Variants in SHLD1 observed in about 807,000 individuals in gnomAD.
SHLD1 encodes the protein shieldin complex subunit 1.
SHLD1 carries 3 observed loss-of-function variants against 5.5 expected under a neutral mutation model. The observed-to-expected ratio is 0.54, with a 90% CI of 0.25 to 1.40. The LOEUF (loss-of-function observed/expected upper bound fraction) is 1.40. SHLD1 is among the 40% of genes most tolerant of loss of function. The pLI is 0.15. For synonymous variants in SHLD1, 92 were observed against 94.3 expected (o/e 0.98, Z 0.14); for missense variants, 210 against 244.4 (o/e 0.86, Z 0.94).
At chr20:5,849,769 C>A (rs188410613) in intron 2 of SHLD1, among the ~76,000 whole-genome samples, 5,647 of 150,164 alleles carry the variant, frequency 0.038, 149 homozygotes, top group Middle Eastern at 0.067. Context: ...ACCATCCTGG[C>A]TAACAAGGTG....
At chr20:5,758,348 GA>G (rs1370430139) in intron 1 of SHLD1, among the ~76,000 whole-genome samples, 1 of 120,530 alleles carries the variant, frequency 8.3e-6, no homozygotes, top group African/African-American at 3.1e-5. Flanking sequence ...AAGGGAGGGG[GA>G]GGGGAAGGAG....
intron 2 of SHLD1, among the ~76,000 whole-genome samples, chr20:5,850,332 C>G (rs1342583615): frequency 6.6e-6 from 1 of 151,626 alleles, no homozygotes; most frequent in Non-Finnish European, 1.5e-5. Context: ...GAGCCTAACC[C>G]CATTTCTTCC....
rs138806612 is a variant in SHLD1 at position 5,812,682 on chromosome 20, C to T, written c.178+39639C>T. ...AATGCAGAGTTCTTTTCTGTTTCTC[C>T]GTATTATGTTAGATTGTTTACCTGA... On this transcript the variant is annotated intron_variant, in intron 2 of 2. Coordinates refer to ENST00000303142, the MANE Select transcript of SHLD1 (RefSeq NM_152504.4). Among the ~76,000 whole-genome samples, 61 of 152,192 alleles carry T rather than the reference C, an allele frequency of 4.0e-4. No homozygotes were observed. In the East Asian group the frequency reaches 0.01, roughly 26 times the overall value.
At chr20:5,797,899 C>G (rs898653229) in intron 2 of SHLD1, among the ~76,000 whole-genome samples, 1 of 152,214 alleles carries the variant, frequency 6.6e-6, no homozygotes, top group African/African-American at 2.4e-5. Flanking sequence ...ACCCTCTGTT[C>G]TCTGTCATCA....
chr20:5,858,614 A>G (rs1269074064), intron 2 of SHLD1, among the ~76,000 whole-genome samples: 1 of 152,336 alleles, frequency 6.6e-6, no homozygotes, highest in East Asian at 1.9e-4. Flanking sequence ...TGAGCAAATC[A>G]CTTGAGGCCA....
intron 2 of SHLD1, among the ~76,000 whole-genome samples, chr20:5,821,406 A>T (rs1308998673): frequency 6.6e-6 from 1 of 152,164 alleles, no homozygotes; most frequent in Non-Finnish European, 1.5e-5. Flanking sequence ...CCAGCTGCTC[A>T]GGAGGTTGAG....
At chr20:5,762,620 G>T (rs1358423655) in intron 1 of SHLD1, among the ~76,000 whole-genome samples, 5 of 152,094 alleles carry the variant, frequency 3.3e-5, no homozygotes, top group East Asian at 1.9e-4. Context: ...TGGCTATTGT[G>T]GGGGAGGCAC....
intron 2 of SHLD1, among the ~76,000 whole-genome samples, chr20:5,784,576 G>A (rs376055016): frequency 6.6e-6 from 1 of 151,512 alleles, no homozygotes; most frequent in Non-Finnish European, 1.5e-5. Flanking sequence ...TCAGCCTCCC[G>A]AGTAGCTGGG....
At chr20:5,775,195 T>C (rs1396610204) in intron 2 of SHLD1, among the ~76,000 whole-genome samples, 1 of 151,888 alleles carries the variant, frequency 6.6e-6, no homozygotes, top group Non-Finnish European at 1.5e-5. Context: ...CACATCACCA[T>C]ACATGGCTTT....
In SHLD1 at chr20:5,855,497, G is replaced by A. The variant is rs1021236419; in HGVS notation, c.179-7527G>A. Among the ~76,000 whole-genome samples the A allele has an allele frequency of 6.6e-6, 1 of 152,106 alleles. No homozygotes were observed. Among genetic ancestry groups the A allele is most frequent in the East Asian group, 1.9e-4 (1 of 5,168 alleles). On this transcript the variant is annotated intron_variant, in intron 2 of 2. Coordinates refer to ENST00000303142, the MANE Select transcript of SHLD1 (RefSeq NM_152504.4). This position sits in a 1 kb window ranked among gnomAD's most constrained non-coding sequence, Gnocchi z 4.4. ...AGAGATTCTTGTGCCTCAGCCACCC[G>A]AGTAGCTGGGACTACAGGTGCATGT...
chr20:5,837,473 C>T (rs573029568), intron 2 of SHLD1, among the ~76,000 whole-genome samples: 24 of 152,210 alleles, frequency 1.6e-4, no homozygotes, highest in Admixed American at 7.2e-4. Flanking sequence ...ACACACCCCC[C>T]ACCTCCAACA....
At chr20:5,752,657 C>A (rs1010222332) in intron 1 of SHLD1, among the ~76,000 whole-genome samples, 1 of 145,764 alleles carries the variant, frequency 6.9e-6, no homozygotes, top group Non-Finnish European at 1.5e-5. Context: ...TGTTCTGTCA[C>A]CCAAACTGGA....
At chr20:5,763,999 C>T (rs939988617) in intron 1 of SHLD1, among the ~76,000 whole-genome samples, 2 of 144,530 alleles carry the variant, frequency 1.4e-5, no homozygotes, top group Non-Finnish European at 3.0e-5. Flanking sequence ...TGGTGACATG[C>T]ACCTGTAATC....
intron 2 of SHLD1, among the ~76,000 whole-genome samples, chr20:5,821,135 A>G (rs1341743496): frequency 2.0e-5 from 3 of 152,250 alleles, no homozygotes; most frequent in Admixed American, 2.0e-4. Flanking sequence ...CATCAATGAC[A>G]AATATATTAA....
intron 1 of SHLD1, 62 bp from the exon 2 acceptor site, chr20:5,772,800 C>A: frequency 7.2e-7 from 1 of 1,393,776 alleles, no homozygotes; most frequent in East Asian, 2.3e-5. Context: ...GCTCTGTCTC[C>A]AATGAAGGAT....
chr20:5,826,722 A>G (rs1353695717), intron 2 of SHLD1, among the ~76,000 whole-genome samples: 1 of 152,088 alleles, frequency 6.6e-6, no homozygotes, highest in African/African-American at 2.4e-5. Context: ...CTAGTTTGGG[A>G]TGTTGACCAA....
chr20:5,765,612 T>C (rs372684651), intron 1 of SHLD1, among the ~76,000 whole-genome samples: 5 of 152,062 alleles, frequency 3.3e-5, no homozygotes, highest in South Asian at 2.1e-4. Context: ...TGAACCACAT[T>C]ATCAAAAGGT....
Position 5,863,518 on chromosome 20 carries a change from G to T in SHLD1, c.*55G>T. ...TGGAGGTGCTGTGCCATGACCAGCA[G>T]TGTTGGTGGCCACCCAGATCCCCTA... On this transcript the variant is annotated 3_prime_UTR_variant, in exon 3 of 3. Transcript: ENST00000303142. 2 of 1,506,298 alleles carry T rather than the reference G, an allele frequency of 1.3e-6. No homozygotes were observed. The highest frequency in any genetic ancestry group is 1.8e-6 in the Non-Finnish European group (2 of 1,117,002). 93.3% of individuals were successfully genotyped at this position (1,506,298 alleles called of 1,614,324 possible).
At chr20:5,800,038 G>A (rs1014177527) in intron 2 of SHLD1, among the ~76,000 whole-genome samples, 1 of 152,014 alleles carries the variant, frequency 6.6e-6, no homozygotes. Context: ...CCTTCAGGGG[G>A]TATTTGGCAA....
Sources: gnomAD v4.1 joint callset for allele counts (sites outside exome capture counted in the v4.1 genomes callset) on GRCh38, gnomAD v4.1.1 for gene constraint, Gnocchi (gnomAD v3.1) non-coding constraint, MANE v1.5 for transcripts, NCBI Gene and HGNC (gene_info 2026-07-23, HGNC 2026-07-21) for gene names.